CCDC146: variants seen among roughly 807,000 people sequenced by gnomAD.
The protein encoded by CCDC146 is coiled-coil domain-containing protein 146.
In CCDC146, 92 loss-of-function variants were observed where a neutral mutation model predicts 119.3. That is an observed-to-expected ratio of 0.77 (90% CI 0.65 to 0.92). The LOEUF is 0.92. Among genes scored for constraint, CCDC146 ranks in the 40% least tolerant of loss-of-function variants. The pLI, the probability that CCDC146 is intolerant of heterozygous loss-of-function variation, is 0.00. For synonymous variants in CCDC146, 372 were observed against 371.8 expected (o/e 1.00, Z -0.01); for missense variants, 1,000 against 1,103.0 (o/e 0.91, Z 1.32).
chr7:77,196,966 T>A lies in CCDC146; in HGVS notation c.156+29142T>A. 1 of 1,604,736 alleles carries A rather than the reference T, an allele frequency of 6.2e-7. No individual in the cohort carries two copies. Among genetic ancestry groups the A allele is most frequent in the Non-Finnish European group, 8.5e-7 (1 of 1,175,004 alleles). On this transcript the variant is annotated intron_variant, in intron 2 of 18. Coordinates refer to ENST00000285871, the MANE Select transcript of CCDC146 (RefSeq NM_020879.3). The surrounding 1 kb of genome is among the most constrained non-coding windows in gnomAD (Gnocchi z 4.2). ...CTATTGCGTAGTAGTCAGAGCAATC[T>A]TTATATATTAGATGTTGAACTGAAG...
chr7:77,171,096 C>A (rs920605037), intron 2 of CCDC146, among the ~76,000 whole-genome samples: 10 of 152,134 alleles, frequency 6.6e-5, no homozygotes, highest in African/African-American at 2.4e-4. Context: ...ATAATCAAAT[C>A]AAAAATAAGG....
intron 1 of CCDC146, among the ~76,000 whole-genome samples, chr7:77,152,673 G>C (rs1318731850): frequency 6.6e-6 from 1 of 152,010 alleles, no homozygotes; most frequent in South Asian, 2.1e-4. Flanking sequence ...GTCTTTTAAG[G>C]CTCTCACACC....
chr7:77,231,586 C>G (rs890192773), intron 2 of CCDC146, among the ~76,000 whole-genome samples: 2 of 151,986 alleles, frequency 1.3e-5, no homozygotes, highest in East Asian at 3.9e-4. Flanking sequence ...TACTGTTGAA[C>G]TCCTCCAGTG....
chr7:77,278,868 A>G, intron 12 of CCDC146, 28 bp downstream of exon 12: 2 of 1,598,266 alleles, frequency 1.3e-6, no homozygotes, highest in Non-Finnish European at 1.7e-6. Flanking sequence ...TGTTTTATCT[A>G]CGTAGGTGAG....
chr7:77,244,427 G>A (rs1792907142), intron 4 of CCDC146, among the ~76,000 whole-genome samples: 1 of 152,146 alleles, frequency 6.6e-6, no homozygotes, highest in African/African-American at 2.4e-5. Context: ...CTCACCCTGA[G>A]CAACTTCCAG....
chr7:77,133,028 G>A (rs2539138), intron 1 of CCDC146, among the ~76,000 whole-genome samples: 4 of 151,822 alleles, frequency 2.6e-5, no homozygotes, highest in Non-Finnish European at 2.9e-5. Flanking sequence ...AAAATTAGCC[G>A]GGCATGGTGG....
At chr7:77,138,624 G>C (rs193093865) in intron 1 of CCDC146, among the ~76,000 whole-genome samples, 1 of 152,026 alleles carries the variant, frequency 6.6e-6, no homozygotes, top group Non-Finnish European at 1.5e-5. Flanking sequence ...ATTTGCAAAA[G>C]GCACATCGAT....
rs1210805069 is a variant in CCDC146 at position 77,196,675 on chromosome 7, A to G, written c.156+28851A>G. ...CATACAAGGCATATAGTTCGACACCATTAAAGTCTTCAAGATCTATTCTCA... is the reference window on the plus strand; with the variant it reads ...CATACAAGGCATATAGTTCGACACCGTTAAAGTCTTCAAGATCTATTCTCA... On this transcript the variant is annotated intron_variant, in intron 2 of 18. Coordinates refer to ENST00000285871, the MANE Select transcript of CCDC146 (RefSeq NM_020879.3). This position sits in a 1 kb window ranked among gnomAD's most constrained non-coding sequence, Gnocchi z 4.2. The G allele has an allele frequency of 6.2e-7, 1 of 1,614,214 alleles. No individual in the cohort carries two copies. The highest frequency in any genetic ancestry group is 1.3e-5 in the African/African-American group (1 of 75,066).
chr7:77,223,966 G>A (rs1792455107), intron 2 of CCDC146, among the ~76,000 whole-genome samples: 1 of 152,212 alleles, frequency 6.6e-6, no homozygotes, highest in Non-Finnish European at 1.5e-5. Context: ...GGAGCCACAG[G>A]TGGTGGCCAC....
At chr7:77,135,480 C>T (rs1012736924) in intron 1 of CCDC146, among the ~76,000 whole-genome samples, 5 of 148,238 alleles carry the variant, frequency 3.4e-5, no homozygotes, top group South Asian at 4.3e-4. Context: ...AAAGAAAGAG[C>T]GAGAGAGAGA....
At position 77,180,576 on chromosome 7, in the gene CCDC146, T is replaced by A. The variant is rs115520714; in HGVS notation, c.156+12752T>A. On this transcript the variant is annotated intron_variant, in intron 2 of 18. Transcript: ENST00000285871. The stretch of plus-strand genomic sequence containing the variant: ...AGCTGGATGTAGTGGCGTGTGCCTG[T>A]GGTCTCAGCTACTTGGGAGGCTGAG... Among the ~76,000 whole-genome samples the A allele has an allele frequency of 2.6e-3, 390 of 152,170 alleles. 3 individuals carry two copies. Among genetic ancestry groups the A allele is most frequent in the African/African-American group, 9.2e-3 (382 of 41,516 alleles).
intron 9 of CCDC146, among the ~76,000 whole-genome samples, chr7:77,270,863 G>A (rs4574777): frequency 0.038 from 5,858 of 152,208 alleles, 395 homozygotes; most frequent in African/African-American, 0.13. Flanking sequence ...GCAAAAGGAG[G>A]AGGAAGGGCA....
chr7:77,192,177 T>G (rs1791779846), intron 2 of CCDC146, among the ~76,000 whole-genome samples: 1 of 152,148 alleles, frequency 6.6e-6, no homozygotes. Context: ...CCTCCCAAAG[T>G]GCTGGGATTA....
intron 2 of CCDC146, among the ~76,000 whole-genome samples, chr7:77,224,841 A>G (rs1157407129): frequency 6.6e-6 from 1 of 152,158 alleles, no homozygotes; most frequent in Non-Finnish European, 1.5e-5. Context: ...GACTCAAGGA[A>G]GACAAGTAAG....
chr7:77,262,183 T>A lies in CCDC146; in HGVS notation c.1049T>A (p.Leu350His). ...GACAAGCAGAACTACCATGATGAAC[T>A]TTCTCGTAAGCAAAGAGAGAAAGAA... ...LIDKQNYHDE[L>H]SRKQREKERD... is the part of the protein sequence containing the mutation. Residue 350 changes from leucine (L) to histidine (H), a missense_variant, in exon 9 of 19, where the codon CTT becomes CAT. Coordinates refer to ENST00000285871, the MANE Select transcript of CCDC146 (RefSeq NM_020879.3). 6.2e-7 allele frequency: 1 copy of A among 1,613,836 alleles called. No homozygotes were observed. Among genetic ancestry groups the A allele is most frequent in the Non-Finnish European group, 8.5e-7 (1 of 1,179,900 alleles).
At chr7:77,206,651 A>G (rs1340429399) in intron 2 of CCDC146, among the ~76,000 whole-genome samples, 1 of 51,736 alleles carries the variant, frequency 1.9e-5, no homozygotes, top group Non-Finnish European at 3.2e-5. Context: ...AAACATACAT[A>G]TATATATATA....
At chr7:77,234,692 G>A (rs1022062473) in intron 2 of CCDC146, among the ~76,000 whole-genome samples, 5 of 152,160 alleles carry the variant, frequency 3.3e-5, no homozygotes, top group East Asian at 1.9e-4. Context: ...CCAAGATAGC[G>A]CCACTGTACT....
At chr7:77,199,505 G>A in intron 2 of CCDC146, 1 of 1,614,060 alleles carries the variant, frequency 6.2e-7, no homozygotes, top group South Asian at 1.1e-5. Context: ...TTGCAGTCTT[G>A]GCAAGATTTC....
At chr7:77,145,815 G>C (rs1216468216) in intron 1 of CCDC146, among the ~76,000 whole-genome samples, 1 of 152,132 alleles carries the variant, frequency 6.6e-6, no homozygotes, top group Non-Finnish European at 1.5e-5. Context: ...TTTTACATTT[G>C]CTGAGGAGTG....
Sources: allele counts gnomAD v4.1 joint callset (sites outside exome capture counted in the v4.1 genomes callset), GRCh38; gene constraint gnomAD v4.1.1; non-coding constraint Gnocchi (gnomAD v3.1); transcripts MANE v1.5; gene names NCBI Gene and HGNC (gene_info 2026-07-23, HGNC 2026-07-21).